Variants in GRID1 observed in about 807,000 individuals in gnomAD.
The protein encoded by GRID1 is glutamate ionotropic receptor delta type subunit 1.
In GRID1, 28 loss-of-function variants were observed where a neutral mutation model predicts 98.0. The observed-to-expected ratio is 0.29, with a 90% CI of 0.21 to 0.39. The LOEUF is 0.39. Ranked by LOEUF, GRID1 falls within the 10% of genes least tolerant of loss-of-function variation. The probability of loss-of-function intolerance (pLI) is 1.00; values close to 1 mark genes in which losing one functional copy is unlikely to be tolerated. For synonymous variants in GRID1, 553 were observed against 538.5 expected (o/e 1.03, Z -0.37); for missense variants, 1,111 against 1,340.5 (o/e 0.83, Z 2.67).
rs1302521845 is a variant in GRID1, at chr10:85,601,764, G to A, written c.*509C>T. ...TACAGCACAGCAACCCAGTGGGCCAGCCCAATGCGGGCTCCAAACTCACTC... is the reference window on the plus strand; with the variant it reads ...TACAGCACAGCAACCCAGTGGGCCAACCCAATGCGGGCTCCAAACTCACTC... On this transcript the variant is annotated 3_prime_UTR_variant, in exon 16 of 16. Transcript: ENST00000327946. The A allele has an allele frequency of 6.4e-6, 1 of 156,464 alleles. No individual in the cohort carries two copies. Among genetic ancestry groups the A allele is most frequent in the Non-Finnish European group, 1.4e-5 (1 of 70,862 alleles). The allele number at this position is 156,464 out of a possible 1,614,324, so 9.7% of individuals were successfully genotyped here.
chr10:85,981,010 AGCTT>A (rs1842537826), intron 4 of GRID1, among the ~76,000 whole-genome samples: 1 of 152,222 alleles, frequency 6.6e-6, no homozygotes, highest in Non-Finnish European at 1.5e-5. Flanking sequence ...GGTGAGCCGT[AGCTT>A]GGACAGCCTC....
At position 86,084,115 on chromosome 10, in the gene GRID1, G is replaced by A. The variant is rs956205871; in HGVS notation, c.726+54704C>T. On this transcript the variant is annotated intron_variant, in intron 4 of 15. Transcript: ENST00000327946. ...GCACTGAATATCTGGTGTGTCCCTC[G>A]GGACTCACAAAGCAGTGACGGGGTA... Among the ~76,000 whole-genome samples, 14 of 152,256 alleles carry A rather than the reference G, an allele frequency of 9.2e-5. 1 individual carries two copies. The South Asian group carries it at 1.5e-3, about 16-fold the overall frequency.
intron 3 of GRID1, among the ~76,000 whole-genome samples, chr10:86,163,835 A>T (rs1845358019): frequency 6.6e-6 from 1 of 152,162 alleles, no homozygotes; most frequent in South Asian, 2.1e-4. Flanking sequence ...GATTATCCCC[A>T]CCAAATGGCT....
chr10:85,976,043 G>T (rs1842468436), intron 4 of GRID1, among the ~76,000 whole-genome samples: 1 of 152,086 alleles, frequency 6.6e-6, no homozygotes, highest in Non-Finnish European at 1.5e-5. Flanking sequence ...CACGGGGTGG[G>T]CAAGTGTTGT....
rs1843642697 is a variant in GRID1 at position 86,061,124 on chromosome 10, G to C, written c.726+77695C>G. 1.3e-5 allele frequency among the ~76,000 whole-genome samples: 2 copies of C among 152,072 alleles called. 1 individual carries two copies. The highest frequency in any genetic ancestry group is 1.3e-4 in the Admixed American group (2 of 15,276). ...CCCACCTCCTGGGGGTACTCTACAG[G>C]CTTCACTTTCCACTCACATCTGCAG... On this transcript the variant is annotated intron_variant, in intron 4 of 15. Coordinates refer to ENST00000327946, the MANE Select transcript of GRID1 (RefSeq NM_017551.3).
At chr10:86,333,834 G>T (rs921065456) in intron 2 of GRID1, among the ~76,000 whole-genome samples, 4 of 152,140 alleles carry the variant, frequency 2.6e-5, no homozygotes, top group African/African-American at 4.8e-5. Flanking sequence ...AGTAGGCTGA[G>T]GGGGAGGAAT....
At chr10:86,200,516 C>A (rs547838424) in intron 3 of GRID1, among the ~76,000 whole-genome samples, 1 of 152,292 alleles carries the variant, frequency 6.6e-6, no homozygotes, top group South Asian at 2.1e-4. Context: ...GCTGTGGACA[C>A]CTAGCCAGGT....
intron 4 of GRID1, among the ~76,000 whole-genome samples, chr10:86,126,213 T>A (rs1844750408): frequency 6.6e-6 from 1 of 151,910 alleles, no homozygotes; most frequent in South Asian, 2.1e-4. Context: ...CCCAGCACTT[T>A]GGGAGGCCAA....
At chr10:85,892,802 T>G (rs1370203987) in intron 5 of GRID1, among the ~76,000 whole-genome samples, 3 of 152,206 alleles carry the variant, frequency 2.0e-5, no homozygotes, top group East Asian at 3.9e-4. Flanking sequence ...AATACCAATT[T>G]TACACAAACA....
In GRID1 at chr10:85,946,480, C is replaced by G. The variant is rs144697361; in HGVS notation, c.727-30241G>C. On this transcript the variant is annotated intron_variant, in intron 4 of 15. Coordinates refer to ENST00000327946, the MANE Select transcript of GRID1 (RefSeq NM_017551.3). ...GTTCTAATAATTTTCTTTGACACAC[C>G]AAGGAATCAATTGTGTAACCCACTT... Among the ~76,000 whole-genome samples the G allele has an allele frequency of 2.5e-3, 375 of 152,194 alleles. 3 individuals carry two copies. Among genetic ancestry groups the G allele is most frequent in the African/African-American group, 8.6e-3 (358 of 41,520 alleles).
At chr10:85,735,270 G>A (rs1313714624) in intron 8 of GRID1, among the ~76,000 whole-genome samples, 2 of 152,140 alleles carry the variant, frequency 1.3e-5, no homozygotes, top group African/African-American at 4.8e-5. Context: ...AACAAAACAA[G>A]TACTGCTGCT....
At chr10:85,612,061 T>C (rs1271147073) in intron 15 of GRID1, among the ~76,000 whole-genome samples, 2 of 152,168 alleles carry the variant, frequency 1.3e-5, no homozygotes, top group Non-Finnish European at 2.9e-5. Flanking sequence ...ACATTGCAGA[T>C]GTACTGAGTT....
At chr10:85,722,920 T>C in intron 12 of GRID1, 83 bp downstream of exon 12, 1 of 1,242,544 alleles carries the variant, frequency 8.0e-7, no homozygotes, top group Non-Finnish European at 1.1e-6. Flanking sequence ...CTCTCCATCA[T>C]ACCACACTGC....
rs2132126688 is a variant in GRID1 at position 86,366,117 on chromosome 10, G to A, written c.79+197C>T. ...GGCCCCGCGCGGAGATCGGAGCCCC[G>A]GGGAGCGGCAAGCAGCCAGCGGGAG... On this transcript the variant is annotated intron_variant, in intron 1 of 15. Coordinates refer to ENST00000327946, the MANE Select transcript of GRID1 (RefSeq NM_017551.3). This position sits in a 1 kb window ranked among gnomAD's most constrained non-coding sequence, Gnocchi z 4.1. Among the ~76,000 whole-genome samples the A allele has an allele frequency of 6.6e-6, 1 of 152,016 alleles. No individual in the cohort carries two copies. Among genetic ancestry groups the A allele is most frequent in the Non-Finnish European group, 1.5e-5 (1 of 67,928 alleles).
chr10:85,772,044 T>C (rs1387185321), intron 8 of GRID1, among the ~76,000 whole-genome samples: 1 of 152,142 alleles, frequency 6.6e-6, no homozygotes, highest in Non-Finnish European at 1.5e-5. Context: ...ACACCACACC[T>C]ATTCCAAAAT....
chr10:86,254,582 C>A, intron 2 of GRID1, among the ~76,000 whole-genome samples: 1 of 116,678 alleles, frequency 8.6e-6, no homozygotes, highest in Admixed American at 7.7e-5. Flanking sequence ...CACGTTGCAG[C>A]CCCATAGTGC....
At chr10:86,041,035 G>C (rs1435975140) in intron 4 of GRID1, among the ~76,000 whole-genome samples, 1 of 152,146 alleles carries the variant, frequency 6.6e-6, no homozygotes, top group African/African-American at 2.4e-5. Context: ...CTCCTGCGCA[G>C]TTCCTGATAC....
At chr10:85,823,096 G>A (rs1167208182) in intron 8 of GRID1, among the ~76,000 whole-genome samples, 6 of 152,108 alleles carry the variant, frequency 3.9e-5, no homozygotes, top group Non-Finnish European at 8.8e-5. Context: ...TAAATGACAA[G>A]TTAATGGGTG....
At position 85,927,562 on chromosome 10, in the gene GRID1, T is replaced by C. The variant is rs143998244; in HGVS notation, c.727-11323A>G. Among the ~76,000 whole-genome samples the C allele has an allele frequency of 1.1e-3, 167 of 151,658 alleles. 1 individual carries two copies. Among genetic ancestry groups the C allele is most frequent in the African/African-American group, 3.6e-3 (150 of 41,318 alleles). On this transcript the variant is annotated intron_variant, in intron 4 of 15. Coordinates refer to ENST00000327946, the MANE Select transcript of GRID1 (RefSeq NM_017551.3). The stretch of plus-strand genomic sequence containing the variant: ...GTTGGAGATATACTGCACTTATATC[T>C]CCAGCTTGAGAATGACAAAGCATAC...
Sources: gnomAD v4.1 joint callset for allele counts (sites outside exome capture counted in the v4.1 genomes callset) on GRCh38, gnomAD v4.1.1 for gene constraint, Gnocchi (gnomAD v3.1) non-coding constraint, MANE v1.5 for transcripts, NCBI Gene and HGNC (gene_info 2026-07-23, HGNC 2026-07-21) for gene names.